The following RNASE12 variants were observed in gnomAD, a reference collection of about 807,000 sequenced individuals.
RNASE12 encodes ribonuclease A family member 12 (inactive), also known as probable inactive ribonuclease-like protein 12.
For missense variants in RNASE12, 161 were observed against 177.6 expected (o/e 0.91, Z 0.53); for synonymous variants, 55 against 59.8 (o/e 0.92, Z 0.37).
At chr14:20,590,945 G>A, upstream of RNASE12, 1 of 1,408,482 alleles carries the variant, frequency 7.1e-7, no homozygotes, top group Non-Finnish European at 9.3e-7. Flanking sequence ...GAACATGCCA[G>A]CTCTCAGAGT....
exon 1 of RNASE12, chr14:20,590,795 G>A: frequency 6.4e-7 from 1 of 1,572,150 alleles, no homozygotes; most frequent in South Asian, 1.2e-5. Flanking sequence ...AGTAGCAAAG[G>A]ACAGTCAGAT....
chr14:20,590,263 C>T (rs771334908), exon 1 of RNASE12: 27 of 1,609,888 alleles, frequency 1.7e-5, no homozygotes, highest in South Asian at 2.2e-5. Flanking sequence ...ATCTCAGACT[C>T]GGGAGCTGAT....
At chr14:20,590,842 T>G, upstream of RNASE12, 2 of 1,489,710 alleles carry the variant, frequency 1.3e-6, no homozygotes, top group Admixed American at 2.5e-5. Flanking sequence ...CCCCCATCCT[T>G]GGAATATTTT....
upstream of RNASE12, chr14:20,591,085 A>G: frequency 2.0e-6 from 2 of 985,420 alleles, no homozygotes; most frequent in African/African-American, 1.7e-5. Context: ...AGACATATAG[A>G]AAGTGGTCAA....
upstream of RNASE12, chr14:20,590,969 GT>G (rs1884568291): frequency 7.3e-7 from 1 of 1,375,428 alleles, no homozygotes; most frequent in Non-Finnish European, 9.4e-7. Context: ...GTACTGAGCT[GT>G]TCTCTAAATT....
rs868043954 is a variant in RNASE12 at position 20,590,682 on chromosome 14, C to T, written c.42G>A (p.Trp14Ter). 1 of 1,613,992 alleles carries T rather than the reference C, an allele frequency of 6.2e-7. No homozygotes were observed. Among genetic ancestry groups the T allele is most frequent in the African/African-American group, 1.3e-5 (1 of 74,916 alleles). Residue 14 changes from tryptophan to a stop codon, truncating the protein, a stop_gained, in exon 1 of 1, where the codon TGG becomes TGA. Coordinates refer to ENST00000556526, the Ensembl canonical transcript of RNASE12. LOFTEE classifies it low-confidence loss of function (END_TRUNC). ...CTGCTTCATCATTCACCTCATTTTC[C>T]CAGAACAGAAGCACCAAGAAAATTA... is the stretch of plus-strand genomic sequence containing the variant.
exon 1 of RNASE12, chr14:20,590,608 A>G: frequency 1.9e-6 from 3 of 1,614,240 alleles, no homozygotes; most frequent in African/African-American, 1.3e-5. Context: ...AGGAACGGGA[A>G]CGTCATTCTG....
In RNASE12 at chr14:20,590,264, G is replaced by C. The variant is rs150792363; in HGVS notation, c.*16C>G. On this transcript the variant is annotated 3_prime_UTR_variant, in exon 1 of 1. Transcript: ENST00000556526. ...CATTGAGAGAAGAGATCTCAGACTC[G>C]GGAGCTGATCTTGAGTTATTTAACA... is the stretch of plus-strand genomic sequence containing the variant. 1.7e-4 allele frequency: 281 copies of C among 1,610,126 alleles called. 1 individual carries two copies. In the African/African-American group the frequency reaches 3.5e-3, roughly 20 times the overall value.
chr14:20,590,361 G>T lies in RNASE12; in HGVS notation c.363C>A (p.Tyr121Ter), dbSNP rs1784405106. The change falls in exon 1 of 1, where the codon TAC (tyrosine) becomes TAA (stop). Residue 121 changes from tyrosine to a stop codon, truncating the protein, a stop_gained. Coordinates refer to ENST00000556526, the Ensembl canonical transcript of RNASE12. LOFTEE classifies it low-confidence loss of function (END_TRUNC). ...CAAACCCCTCTGTGGGGGAATAGTGGTACCTGCAGGCAGGGTATCTTGTGC... is the reference window on the plus strand; with the variant it reads ...CAAACCCCTCTGTGGGGGAATAGTGTTACCTGCAGGCAGGGTATCTTGTGC... 1 of 1,614,184 alleles carries T rather than the reference G, an allele frequency of 6.2e-7. No homozygotes were observed.
Position 20,590,339 on chromosome 14 carries a change from AC to A in RNASE12, c.384del (p.Phe129LeufsTer9). ...AAGTCATCACAAGTGACAAGAACAAACCCCTCTGTGGGGGAATAGTGGTACC... is the reference window on the plus strand; with the variant it reads ...AAGTCATCACAAGTGACAAGAACAAACCCTCTGTGGGGGAATAGTGGTACC... On this transcript the variant is annotated frameshift_variant, in exon 1 of 1. Transcript: ENST00000556526. LOFTEE classifies it high-confidence loss of function. 1 of 1,614,002 alleles carries A rather than the reference AC, an allele frequency of 6.2e-7. No individual in the cohort carries two copies. The highest frequency in any genetic ancestry group is 8.5e-7 in the Non-Finnish European group (1 of 1,179,998).
exon 1 of RNASE12, chr14:20,590,220 G>GC: frequency 6.3e-7 from 1 of 1,585,034 alleles, no homozygotes; most frequent in Non-Finnish European, 8.6e-7. Flanking sequence ...TCTGCCTCAG[G>GC]CACAGCCAGC....
At chr14:20,590,942 C>T, upstream of RNASE12, 1 of 1,410,678 alleles carries the variant, frequency 7.1e-7, no homozygotes, top group Non-Finnish European at 9.3e-7. Flanking sequence ...TCTGAACATG[C>T]CAGCTCTCAG....
chr14:20,590,237 G>C, exon 1 of RNASE12: 1 of 1,599,896 alleles, frequency 6.3e-7, no homozygotes, highest in Non-Finnish European at 8.5e-7. Flanking sequence ...CAGCTCCAAT[G>C]CCATTGAGAG....
upstream of RNASE12, chr14:20,591,163 C>T (rs1302162818): frequency 1.0e-6 from 1 of 984,898 alleles, no homozygotes; most frequent in African/African-American, 1.7e-5. Context: ...CCCAATTGCA[C>T]ATGATTTTAG....
At chr14:20,590,316 G>C (rs781585307) in exon 1 of RNASE12, 2 of 1,614,036 alleles carry the variant, frequency 1.2e-6, no homozygotes, top group Non-Finnish European at 1.7e-6. Flanking sequence ...CTGGCCTCAA[G>C]TCATCACAAG....
At chr14:20,590,268 G>A (rs753451678) in exon 1 of RNASE12, 8 of 1,610,972 alleles carry the variant, frequency 5.0e-6, no homozygotes, top group Admixed American at 1.7e-5. Context: ...AGACTCGGGA[G>A]CTGATCTTGA....
chr14:20,590,130 C>A (rs1168543451), downstream of RNASE12: 1 of 1,377,874 alleles, frequency 7.3e-7, no homozygotes, highest in Non-Finnish European at 9.6e-7. Flanking sequence ...CAATCCCAAC[C>A]CAGCAATACA....
rs140189612 is a variant in RNASE12 at position 20,590,606 on chromosome 14, G to A, written c.118C>T (p.Pro40Ser). 78 of 1,614,080 alleles carry A rather than the reference G, an allele frequency of 4.8e-5. No individual in the cohort carries two copies. The African/African-American group carries it at 7.5e-4, about 15-fold the overall frequency. Residue 40 changes from proline (P) to serine (S), a missense_variant, in exon 1 of 1, where the codon CCC (proline) becomes TCC (serine). Physicochemically the swap from Pro to Ser is moderately conservative, Grantham distance 74 (BLOSUM62 -1). Coordinates refer to ENST00000556526, the Ensembl canonical transcript of RNASE12. ...TGGTTGCAGTACCTTGCAGGAACGG[G>A]AACGTCATTCTGAGGGTAGTCCACA... is the stretch of plus-strand genomic sequence containing the variant.
exon 1 of RNASE12, chr14:20,590,391 A>G (rs1380353754): frequency 6.2e-7 from 1 of 1,614,238 alleles, no homozygotes; most frequent in Non-Finnish European, 8.5e-7. Context: ...TTGTGCCTTC[A>G]ATGAGCTGAC....
Sources: allele counts gnomAD v4.1 joint callset, GRCh38; gene constraint gnomAD v4.1.1; transcripts MANE v1.5; gene names NCBI Gene and HGNC (gene_info 2026-07-23, HGNC 2026-07-21).